TRAPPC3L: variants seen among roughly 807,000 people sequenced by gnomAD.
The protein encoded by TRAPPC3L is trafficking protein particle complex subunit 3L, also known as trafficking protein particle complex subunit 3-like protein.
In TRAPPC3L, 23 loss-of-function variants were observed where a neutral mutation model predicts 23.7. The ratio of observed to expected loss-of-function variants is 0.97; its 90% CI spans 0.70 to 1.37. TRAPPC3L has a LOEUF of 1.37. Ranked by LOEUF, TRAPPC3L falls within the 40% of genes most tolerant of loss-of-function variation. TRAPPC3L has a pLI of 0.00. For synonymous variants in TRAPPC3L, 81 were observed against 77.9 expected, an observed-to-expected ratio of 1.04 and a Z score of -0.21; for missense variants, 212 against 216.8, an observed-to-expected ratio of 0.98 and a Z score of 0.14.
chr6:116,500,810 G>T (rs1411621932), intron 3 of TRAPPC3L, 144 bp from the exon 4 acceptor site: 9 of 716,122 alleles, frequency 1.3e-5, no homozygotes, highest in South Asian at 6.9e-5. Context: ...TTCACCCTTA[G>T]CTTTGCAATT....
rs1771830572 is a variant in TRAPPC3L at position 116,496,129 on chromosome 6, T to A, written c.*825A>T. On this transcript the variant is annotated 3_prime_UTR_variant, in exon 5 of 5. Transcript: ENST00000368602. ...TAATTCGGTACACTTGAATTTTAAA[T>A]GTGTTCTGGTCACAAAGAAAACATC... 6.6e-6 allele frequency: 1 copy of A among 152,206 alleles called. No individual in the cohort carries two copies. The highest frequency in any genetic ancestry group is 1.5e-5 in the Non-Finnish European group (1 of 68,046). 9.4% of individuals were successfully genotyped at this position (152,206 alleles called of 1,614,324 possible). A position where few individuals can be genotyped will look rare whatever the true frequency, so the allele number is the denominator to read the frequency against.
intron 3 of TRAPPC3L, among the ~76,000 whole-genome samples, chr6:116,538,082 A>G (rs1773206597): frequency 6.6e-6 from 1 of 152,168 alleles, no homozygotes; most frequent in Admixed American, 6.5e-5. Context: ...ATAATTTTTA[A>G]AAGTTACCAT....
chr6:116,516,541 CAT>C (rs1772227690), intron 3 of TRAPPC3L: 1 of 151,758 alleles, frequency 6.6e-6, no homozygotes. Flanking sequence ...AAGTTTTTCA[CAT>C]GTTTTCACTG....
intron 3 of TRAPPC3L, 101 bp downstream of exon 3, chr6:116,540,262 G>T: frequency 9.4e-7 from 1 of 1,061,700 alleles, no homozygotes; most frequent in Non-Finnish European, 1.4e-6. Flanking sequence ...ACCTAACAAT[G>T]AATGCAGATG....
intron 3 of TRAPPC3L, chr6:116,517,823 C>T (rs1463177806): frequency 6.6e-6 from 1 of 152,124 alleles, no homozygotes; most frequent in East Asian, 1.9e-4. Flanking sequence ...ACTCCCAGAC[C>T]TTGGGGAAGG....
intron 3 of TRAPPC3L, chr6:116,522,491 A>C (rs1772363497): frequency 6.6e-6 from 1 of 152,100 alleles, no homozygotes; most frequent in South Asian, 2.1e-4. Flanking sequence ...TTCTTCAATC[A>C]TGTTTTCTTT....
chr6:116,524,472 C>T (rs911115299), intron 3 of TRAPPC3L: 1 of 152,144 alleles, frequency 6.6e-6, no homozygotes, highest in South Asian at 2.1e-4. Flanking sequence ...GGCCTGTTCT[C>T]GAATTGAAGG....
At chr6:116,529,821 C>A (rs1772588150) in intron 3 of TRAPPC3L, among the ~76,000 whole-genome samples, 1 of 152,160 alleles carries the variant, frequency 6.6e-6, no homozygotes, top group Non-Finnish European at 1.5e-5. Flanking sequence ...GGTTCCAGGT[C>A]TTTTATTTTA....
chr6:116,529,839 C>T (rs928126062), intron 3 of TRAPPC3L, among the ~76,000 whole-genome samples: 2 of 152,154 alleles, frequency 1.3e-5, no homozygotes, highest in African/African-American at 4.8e-5. Flanking sequence ...TTATGGCCCC[C>T]AGGCTGCATT....
intron 3 of TRAPPC3L, chr6:116,517,454 A>G (rs942155079): frequency 1.3e-5 from 2 of 152,170 alleles, no homozygotes; most frequent in African/African-American, 4.8e-5. Context: ...TTGTGCTTTA[A>G]AAAAGAACTA....
At chr6:116,515,941 GGAT>G in intron 3 of TRAPPC3L, 1 of 1,612,652 alleles carries the variant, frequency 6.2e-7, no homozygotes, top group Non-Finnish European at 8.5e-7. Flanking sequence ...TTAGCCCTGA[GGAT>G]GATGAGACGA....
chr6:116,515,431 A>C (rs971353421), intron 3 of TRAPPC3L, among the ~76,000 whole-genome samples: 1 of 152,208 alleles, frequency 6.6e-6, no homozygotes, highest in Non-Finnish European at 1.5e-5. Context: ...GAGTTTACCT[A>C]ATAAATTCAA....
At chr6:116,533,439 C>T (rs967798070) in intron 3 of TRAPPC3L, among the ~76,000 whole-genome samples, 44 of 152,316 alleles carry the variant, frequency 2.9e-4, no homozygotes, top group African/African-American at 1.0e-3. Context: ...AAGAAAAACA[C>T]GTGGCTTCAT....
intron 3 of TRAPPC3L, among the ~76,000 whole-genome samples, chr6:116,509,106 A>C (rs576917478): frequency 1.2e-4 from 18 of 151,710 alleles, no homozygotes; most frequent in African/African-American, 3.4e-4. Flanking sequence ...AAAAAAAAAA[A>C]AAAAAACCCA....
intron 3 of TRAPPC3L, chr6:116,520,997 A>C (rs1397564286): frequency 6.6e-6 from 1 of 151,950 alleles, no homozygotes; most frequent in East Asian, 1.9e-4. Context: ...CATTTTAATA[A>C]ACATAACAGT....
intron 3 of TRAPPC3L, among the ~76,000 whole-genome samples, chr6:116,501,162 C>T (rs770315555): frequency 1.5e-4 from 23 of 152,306 alleles, no homozygotes; most frequent in African/African-American, 4.1e-4. Flanking sequence ...TCACAGTCTT[C>T]GCATCTGCAG....
Position 116,532,849 on chromosome 6 carries a change from G to A in TRAPPC3L, c.240+7514C>T, listed in dbSNP as rs73769122. Among the ~76,000 whole-genome samples the A allele has an allele frequency of 2.2e-3, 329 of 152,286 alleles. 1 individual carries two copies. Among genetic ancestry groups the A allele is most frequent in the African/African-American group, 7.7e-3 (321 of 41,554 alleles). ...AGGTAGGTTAAGTAAGGTTAATCATGGGTTCCCTTACCTTTACAAAGTTGC... is the reference window on the plus strand; with the variant it reads ...AGGTAGGTTAAGTAAGGTTAATCATAGGTTCCCTTACCTTTACAAAGTTGC... On this transcript the variant is annotated intron_variant, in intron 3 of 4. Coordinates refer to ENST00000368602, the MANE Select transcript of TRAPPC3L (RefSeq NM_001139444.3).
At chr6:116,514,707 A>T (rs1385362251) in intron 3 of TRAPPC3L, among the ~76,000 whole-genome samples, 1 of 152,214 alleles carries the variant, frequency 6.6e-6, no homozygotes, top group Non-Finnish European at 1.5e-5. Context: ...ATCTGAGTCA[A>T]AGGTTGGGAA....
chr6:116,530,250 G>A (rs917729554), intron 3 of TRAPPC3L, among the ~76,000 whole-genome samples: 7 of 152,140 alleles, frequency 4.6e-5, no homozygotes, highest in Admixed American at 2.6e-4. Context: ...GGAAAAAACA[G>A]CCTAAGATAT....
Sources: allele counts gnomAD v4.1 joint callset (sites outside exome capture counted in the v4.1 genomes callset), GRCh38; gene constraint gnomAD v4.1.1; transcripts MANE v1.5; gene names NCBI Gene and HGNC (gene_info 2026-07-23, HGNC 2026-07-21).